The following CUX1 variants were observed in gnomAD, a reference collection of about 807,000 sequenced individuals.
CUX1 encodes protein CASP.
A neutral mutation model predicts 158.8 loss-of-function variants in CUX1; 31 were observed. The observed-to-expected ratio is 0.20, with a 90% CI of 0.15 to 0.26. The LOEUF is 0.26. Ranked by LOEUF, CUX1 falls within the 10% of genes least tolerant of loss-of-function variation. CUX1 has a pLI of 1.00. For missense variants in CUX1, 1,589 were observed against 2,014.6 expected (o/e 0.79, Z 4.04); for synonymous variants, 879 against 862.1 (o/e 1.02, Z -0.34).
intron 1 of CUX1, chr7:101,913,413 A>G (rs748750572): frequency 7.9e-7 from 1 of 1,259,558 alleles, no homozygotes; most frequent in South Asian, 1.3e-5. Context: ...CCGCAGGCGC[A>G]CTGGCTCTGC....
intron 1 of CUX1, among the ~76,000 whole-genome samples, chr7:101,875,191 AAATCAC>A (rs1328450827): frequency 6.6e-6 from 1 of 152,116 alleles, no homozygotes; most frequent in African/African-American, 2.4e-5. Context: ...ATTCTTCCTT[AAATCAC>A]AGCTAGGATG....
chr7:101,883,683 C>T (rs998029366), intron 1 of CUX1, among the ~76,000 whole-genome samples: 1 of 151,334 alleles, frequency 6.6e-6, no homozygotes, highest in African/African-American at 2.4e-5. Flanking sequence ...ATGATCTCCC[C>T]CTCCCAGGTT....
At chr7:101,868,248 C>T (rs1336333343) in intron 1 of CUX1, among the ~76,000 whole-genome samples, 1 of 152,182 alleles carries the variant, frequency 6.6e-6, no homozygotes, top group East Asian at 1.9e-4. Context: ...ACCCGAGTTT[C>T]CTTCTGTAGA....
chr7:102,124,403 T>C (rs1832385544), intron 8 of CUX1, among the ~76,000 whole-genome samples: 1 of 152,236 alleles, frequency 6.6e-6, no homozygotes, highest in African/African-American at 2.4e-5. Context: ...CACAGCGCTG[T>C]TCACACAGCA....
At chr7:101,874,721 AC>A (rs549725556) in intron 1 of CUX1, among the ~76,000 whole-genome samples, 3 of 152,328 alleles carry the variant, frequency 2.0e-5, no homozygotes, top group Admixed American at 2.0e-4. Flanking sequence ...CTCAGGGGAA[AC>A]AGATGGGGAA....
chr7:101,935,257 C>CAA (rs1193841045), intron 2 of CUX1, among the ~76,000 whole-genome samples: 1 of 152,192 alleles, frequency 6.6e-6, no homozygotes, highest in Non-Finnish European at 1.5e-5. Context: ...CGCCAGAGAA[C>CAA]AAACCCCTTT....
chr7:102,142,926 AAATAAT>A (rs1163738797), intron 8 of CUX1, among the ~76,000 whole-genome samples: 11 of 152,210 alleles, frequency 7.2e-5, no homozygotes, highest in African/African-American at 1.9e-4. Context: ...ATCTATTAAA[AAATAAT>A]AATAATAATA....
At chr7:101,995,135 A>C (rs560978752) in intron 2 of CUX1, among the ~76,000 whole-genome samples, 1 of 152,198 alleles carries the variant, frequency 6.6e-6, no homozygotes, top group Admixed American at 6.5e-5. Flanking sequence ...GCAGCTCAGA[A>C]ACCTGGCTGG....
intron 11 of CUX1, 66 bp from the exon 12 acceptor site, chr7:102,189,747 C>T (rs1474396440): frequency 1.3e-6 from 2 of 1,545,656 alleles, no homozygotes; most frequent in Admixed American, 1.7e-5. Context: ...GCAGTGAATG[C>T]CGTCGGTGAA....
intron 5 of CUX1, among the ~76,000 whole-genome samples, chr7:102,098,881 G>A (rs554774957): frequency 1.6e-4 from 21 of 132,242 alleles, no homozygotes; most frequent in Admixed American, 3.6e-4. Flanking sequence ...GGATGGTCTC[G>A]ATCTCCTGAC....
Position 102,248,654 on chromosome 7 carries a change from C to A in CUX1, c.4130C>A (p.Pro1377His). The A allele has an allele frequency of 7.4e-7, 1 of 1,359,974 alleles. No individual in the cohort carries two copies. The highest frequency in any genetic ancestry group is 9.4e-7 in the Non-Finnish European group (1 of 1,058,668). The allele number at this position is 1,359,974 out of a possible 1,614,324, so 84.2% of individuals were successfully genotyped here. ...PRPAEQTEPP[P>H]SGTPGPDDAR... ...CCGGCGGAGCAGACGGAGCCGCCGC[C>A]CTCGGGGACCCCGGGCCCGGACGAC... is the stretch of plus-strand genomic sequence containing the variant. The change falls in exon 24 of 24, where the codon CCC becomes CAC. Residue 1377 changes from proline (P) to histidine (H), a missense_variant. Pro to His is a moderately conservative substitution (Grantham distance 77, BLOSUM62 -2). Coordinates refer to ENST00000292535, the MANE Select transcript of CUX1 (RefSeq NM_181552.4). This position sits in a 1 kb window ranked among gnomAD's most constrained non-coding sequence, Gnocchi z 5.8.
At chr7:101,895,900 TTG>T (rs1562974949) in intron 1 of CUX1, among the ~76,000 whole-genome samples, 1 of 70,248 alleles carries the variant, frequency 1.4e-5, no homozygotes, top group Non-Finnish European at 2.6e-5. Flanking sequence ...AGTTTTTTTT[TTG>T]TTTTTGTTTT....
chr7:102,222,430 G>A (rs1424192900), intron 20 of CUX1, among the ~76,000 whole-genome samples: 3 of 152,102 alleles, frequency 2.0e-5, no homozygotes, highest in South Asian at 4.2e-4. Flanking sequence ...ACCAAGTCAC[G>A]TTGCCTGTCT....
intron 8 of CUX1, among the ~76,000 whole-genome samples, chr7:102,147,219 A>T (rs1835119830): frequency 6.6e-6 from 1 of 152,128 alleles, no homozygotes; most frequent in Admixed American, 6.5e-5. Flanking sequence ...TACTTCTGCC[A>T]AAGCAGAAGT....
intron 8 of CUX1, among the ~76,000 whole-genome samples, chr7:102,150,057 C>T (rs1202095525): frequency 6.6e-6 from 1 of 152,206 alleles, no homozygotes; most frequent in Non-Finnish European, 1.5e-5. Flanking sequence ...TCTTTTAAAG[C>T]AGGAAGAATT....
intron 2 of CUX1, among the ~76,000 whole-genome samples, chr7:101,973,387 C>T (rs144009913): frequency 1.3e-5 from 2 of 152,244 alleles, no homozygotes; most frequent in African/African-American, 4.8e-5. Flanking sequence ...TCCACCACTG[C>T]CCCCCAGCCC....
chr7:102,019,450 C>T (rs897725696), intron 2 of CUX1, among the ~76,000 whole-genome samples: 9 of 152,264 alleles, frequency 5.9e-5, no homozygotes, highest in African/African-American at 1.9e-4. Context: ...GTCTTGAACT[C>T]CTGCCCTCAT....
At position 102,249,271 on chromosome 7, in the gene CUX1, C is replaced by T. The variant is rs1801216960; in HGVS notation, c.*229C>T. Reference sequence around the variant, plus strand: ...AGACCCACTCTGCGGCCCGGGCCGACCCTGCGGCCTCCACCAACCCCGCGG... The same window carrying T: ...AGACCCACTCTGCGGCCCGGGCCGATCCTGCGGCCTCCACCAACCCCGCGG... On this transcript the variant is annotated 3_prime_UTR_variant, in exon 24 of 24. Coordinates refer to ENST00000292535, the MANE Select transcript of CUX1 (RefSeq NM_181552.4). 1 of 1,056,688 alleles carries T rather than the reference C, an allele frequency of 9.5e-7. No individual in the cohort carries two copies. Among genetic ancestry groups the T allele is most frequent in the Non-Finnish European group, 1.1e-6 (1 of 875,104 alleles). The allele number at this position is 1,056,688 out of a possible 1,614,324, so 65.5% of individuals were successfully genotyped here.
intron 19 of CUX1, 78 bp from the exon 20 acceptor site, chr7:102,205,036 G>A (rs1042345561): frequency 8.0e-5 from 84 of 1,045,902 alleles, no homozygotes; most frequent in Non-Finnish European, 1.1e-4. Flanking sequence ...GCCTCCCCGG[G>A]CCTTGCCACA....
Sources: allele counts gnomAD v4.1 joint callset (sites outside exome capture counted in the v4.1 genomes callset), GRCh38; gene constraint gnomAD v4.1.1; non-coding constraint Gnocchi (gnomAD v3.1); transcripts MANE v1.5; gene names NCBI Gene and HGNC (gene_info 2026-07-23, HGNC 2026-07-21).